GRM7: variants seen among roughly 807,000 people sequenced by gnomAD.
GRM7 encodes the protein glutamate metabotropic receptor 7.
Under a neutral mutation model 84.5 loss-of-function variants are expected in GRM7, and 35 were observed. The ratio of observed to expected loss-of-function variants is 0.41; its 90% confidence interval spans 0.32 to 0.55. GRM7 has a LOEUF of 0.55. GRM7 is among the 20% of genes least tolerant of loss of function. The probability of loss-of-function intolerance (pLI) is 0.19; values close to 1 mark genes in which losing one functional copy is unlikely to be tolerated. For synonymous variants in GRM7, 487 were observed against 455.1 expected, an observed-to-expected ratio of 1.07 and a Z score of -0.89; for missense variants, 1,003 against 1,194.6, an observed-to-expected ratio of 0.84 and a Z score of 2.36.
intron 8 of GRM7, among the ~76,000 whole-genome samples, chr3:7,615,873 T>A (rs894114229): frequency 6.6e-6 from 1 of 152,020 alleles, no homozygotes; most frequent in Admixed American, 6.6e-5. Context: ...TGTGTATGAG[T>A]GTATATGTAT....
At chr3:7,173,369 C>G (rs1240334410) in intron 2 of GRM7, among the ~76,000 whole-genome samples, 2 of 152,206 alleles carry the variant, frequency 1.3e-5, no homozygotes, top group African/African-American at 4.8e-5. Flanking sequence ...AACTTACCAA[C>G]TGCTCTCCCC....
At chr3:7,541,922 A>G (rs2125016048) in intron 7 of GRM7, among the ~76,000 whole-genome samples, 1 of 152,242 alleles carries the variant, frequency 6.6e-6, no homozygotes, top group African/African-American at 2.4e-5. Context: ...TCACGGTAGA[A>G]ATCTTCCTTG....
intron 1 of GRM7, among the ~76,000 whole-genome samples, chr3:6,866,740 T>G (rs926826968): frequency 6.6e-6 from 1 of 152,132 alleles, no homozygotes; most frequent in Non-Finnish European, 1.5e-5. Context: ...ATATCAGACT[T>G]TTCTCTCCCA....
At chr3:7,104,014 C>A (rs1250920495) in intron 1 of GRM7, among the ~76,000 whole-genome samples, 1 of 151,440 alleles carries the variant, frequency 6.6e-6, no homozygotes, top group African/African-American at 2.4e-5. Flanking sequence ...TATGTTGAAG[C>A]CCTAAACCCC....
intron 2 of GRM7, 26 bp from the exon 3 acceptor site, chr3:7,298,658 A>G (rs781204403): frequency 6.2e-6 from 10 of 1,601,362 alleles, no homozygotes; most frequent in African/African-American, 1.3e-5. Flanking sequence ...AACATTATTG[A>G]CACTATGTTT....
intron 4 of GRM7, among the ~76,000 whole-genome samples, chr3:7,360,603 C>T (rs1693618845): frequency 6.6e-6 from 1 of 151,998 alleles, no homozygotes; most frequent in East Asian, 1.9e-4. Flanking sequence ...CCAGCTGTGA[C>T]CAATAATATT....
intron 4 of GRM7, among the ~76,000 whole-genome samples, chr3:7,334,035 T>G (rs1369809169): frequency 6.6e-6 from 1 of 152,072 alleles, no homozygotes; most frequent in African/African-American, 2.4e-5. Context: ...AAAATGTATT[T>G]AAGGGAATAA....
At chr3:7,374,755 T>A (rs1388712943) in intron 4 of GRM7, among the ~76,000 whole-genome samples, 2 of 151,766 alleles carry the variant, frequency 1.3e-5, no homozygotes, top group Non-Finnish European at 2.9e-5. Flanking sequence ...CCTCCCAAAG[T>A]GCTGGGATTA....
chr3:7,337,158 A>G (rs766376721), intron 4 of GRM7, among the ~76,000 whole-genome samples: 2 of 152,116 alleles, frequency 1.3e-5, no homozygotes, highest in Non-Finnish European at 2.9e-5. Flanking sequence ...AAACAAACAT[A>G]AAATGGAGAA....
At chr3:7,172,166 A>G (rs1261559972) in intron 2 of GRM7, among the ~76,000 whole-genome samples, 5 of 152,320 alleles carry the variant, frequency 3.3e-5, no homozygotes, top group Admixed American at 1.3e-4. Context: ...AGGATTTGCC[A>G]AAAGACTATA....
intron 8 of GRM7, among the ~76,000 whole-genome samples, chr3:7,662,613 A>T (rs1344615317): frequency 6.6e-6 from 1 of 152,224 alleles, no homozygotes; most frequent in Admixed American, 6.5e-5. Flanking sequence ...TACTGTGGTT[A>T]TGCACAAGTG....
chr3:7,543,076 A>AAATG (rs1692968734), intron 7 of GRM7, among the ~76,000 whole-genome samples: 1 of 152,152 alleles, frequency 6.6e-6, no homozygotes, highest in Admixed American at 6.5e-5. Context: ...ATGAATGAAC[A>AAATG]AATGAATGAA....
At chr3:7,707,577 A>T (rs1350787561) in intron 9 of GRM7, among the ~76,000 whole-genome samples, 1 of 152,036 alleles carries the variant, frequency 6.6e-6, no homozygotes, top group African/African-American at 2.4e-5. Context: ...CCTGGCATCT[A>T]TTTTTTTTAA....
intron 9 of GRM7, among the ~76,000 whole-genome samples, chr3:7,716,054 A>T (rs1701761169): frequency 6.6e-6 from 1 of 152,140 alleles, no homozygotes; most frequent in Admixed American, 6.5e-5. Flanking sequence ...TCCTCTCCCA[A>T]GGAACCTATC....
intron 1 of GRM7, among the ~76,000 whole-genome samples, chr3:7,117,358 C>T (rs528420006): frequency 3.9e-5 from 6 of 152,298 alleles, no homozygotes; most frequent in African/African-American, 1.2e-4. Context: ...CCTAAGTAGG[C>T]CCTTGGCCTC....
chr3:7,352,113 TTGTC>T (rs1192358514), intron 4 of GRM7, among the ~76,000 whole-genome samples: 2 of 142,744 alleles, frequency 1.4e-5, no homozygotes, highest in African/African-American at 2.6e-5. Flanking sequence ...ATATTCTATT[TTGTC>T]TGTCTGGAGA....
At chr3:7,519,946 A>G (rs1173567047) in intron 7 of GRM7, 2 of 152,164 alleles carry the variant, frequency 1.3e-5, no homozygotes, top group African/African-American at 4.8e-5. Flanking sequence ...GAGCCTTTGT[A>G]TGCCATCTAT....
chr3:7,402,706 A>G (rs1695501721), intron 4 of GRM7, among the ~76,000 whole-genome samples: 1 of 152,152 alleles, frequency 6.6e-6, no homozygotes, highest in South Asian at 2.1e-4. Context: ...CTAGGTGTCC[A>G]AAACATTTCT....
intron 2 of GRM7, among the ~76,000 whole-genome samples, chr3:7,168,650 C>A (rs74776721): frequency 0.023 from 3,431 of 152,178 alleles, 118 homozygotes; most frequent in African/African-American, 0.077. Context: ...GCAAAGACGA[C>A]CCCATTCAAA....
Sources: gnomAD v4.1 joint callset for allele counts (sites outside exome capture counted in the v4.1 genomes callset) on GRCh38, gnomAD v4.1.1 for gene constraint, MANE v1.5 for transcripts, NCBI Gene and HGNC (gene_info 2026-07-23, HGNC 2026-07-21) for gene names.